The following ANKRD29 variants were observed in gnomAD, a reference collection of about 807,000 sequenced individuals.
ANKRD29 encodes ankyrin repeat domain-containing protein 29.
Under a neutral mutation model 38.0 loss-of-function variants are expected in ANKRD29, and 32 were observed. The observed-to-expected ratio is 0.84, with a 90% CI of 0.64 to 1.13. ANKRD29 has a LOEUF of 1.13. Among genes scored for constraint, ANKRD29 ranks in the 50% most tolerant of loss-of-function variants. The pLI is 0.00. For synonymous variants in ANKRD29, 135 were observed against 152.4 expected (o/e 0.89, Z 0.84); for missense variants, 357 against 377.9 (o/e 0.94, Z 0.46).
chr18:23,623,216 G>A (rs1421191502), intron 6 of ANKRD29, among the ~76,000 whole-genome samples: 2 of 151,940 alleles, frequency 1.3e-5, no homozygotes, highest in Admixed American at 1.3e-4. Flanking sequence ...TTCTTCCATC[G>A]ACCCTGTGAG....
intron 1 of ANKRD29, 43 bp from the exon 2 acceptor site, chr18:23,649,236 T>C (rs2060180130): frequency 7.2e-7 from 1 of 1,385,072 alleles, no homozygotes; most frequent in South Asian, 1.2e-5. Context: ...TTGATGTCAG[T>C]TAACATGACT....
intron 6 of ANKRD29, among the ~76,000 whole-genome samples, chr18:23,626,414 G>C (rs753197014): frequency 3.9e-5 from 6 of 152,156 alleles, no homozygotes; most frequent in Non-Finnish European, 7.3e-5. Flanking sequence ...GTGGAGTTGG[G>C]AAAATATATG....
chr18:23,625,227 C>A (rs1215843680), intron 6 of ANKRD29, among the ~76,000 whole-genome samples: 1 of 152,130 alleles, frequency 6.6e-6, no homozygotes, highest in Non-Finnish European at 1.5e-5. Context: ...GTCCCTTGCA[C>A]CGTGTGCCTG....
chr18:23,610,722 G>C (rs2059630996), intron 9 of ANKRD29, among the ~76,000 whole-genome samples: 1 of 152,166 alleles, frequency 6.6e-6, no homozygotes, highest in Non-Finnish European at 1.5e-5. Flanking sequence ...GTCGTTCAGG[G>C]TGGATTGCAG....
chr18:23,629,854 T>C lies in ANKRD29; in HGVS notation c.527A>G (p.Gln176Arg). ...ASGAKVNQPR[Q>R]DGTAPLWIAS... The stretch of plus-strand genomic sequence containing the variant: ...GCAAATGTCAACAGTGGACATTACC[T>C]GCCTTGGCTGGTTGACTTTTGCTCC... Residue 176 changes from glutamine to arginine, a missense_variant and splice_region_variant, in exon 6 of 10, where the codon CAG becomes CGG. Transcript: ENST00000592179. 6.2e-7 allele frequency: 1 copy of C among 1,613,702 alleles called. No individual in the cohort carries two copies. The highest frequency in any genetic ancestry group is 8.5e-7 in the Non-Finnish European group (1 of 1,179,868).
At chr18:23,654,530 A>T (rs930663597) in intron 1 of ANKRD29, among the ~76,000 whole-genome samples, 11 of 148,842 alleles carry the variant, frequency 7.4e-5, no homozygotes, top group Non-Finnish European at 1.5e-4. Context: ...TGCGGCAAGG[A>T]ATTGCTTGAA....
intron 3 of ANKRD29, 24 bp downstream of exon 3, chr18:23,646,165 C>T (rs1380415500): frequency 6.2e-6 from 10 of 1,610,108 alleles, no homozygotes; most frequent in Admixed American, 1.7e-5. Flanking sequence ...GGTCATTTTT[C>T]TTCAAGTGCA....
chr18:23,614,902 C>T (rs898682895), intron 8 of ANKRD29, among the ~76,000 whole-genome samples: 2 of 152,092 alleles, frequency 1.3e-5, no homozygotes, highest in Non-Finnish European at 2.9e-5. Context: ...AAAGCTAAGC[C>T]GCTGTGTCCA....
chr18:23,653,417 A>G (rs1187396136), intron 1 of ANKRD29, among the ~76,000 whole-genome samples: 1 of 151,896 alleles, frequency 6.6e-6, no homozygotes, highest in African/African-American at 2.4e-5. Context: ...CGCCCGGCTA[A>G]TTTTTGTATT....
At chr18:23,632,132 G>A (rs947666271) in intron 5 of ANKRD29, among the ~76,000 whole-genome samples, 2 of 152,212 alleles carry the variant, frequency 1.3e-5, no homozygotes, top group Non-Finnish European at 2.9e-5. Flanking sequence ...AAATTAATCA[G>A]CCTGTACAGA....
intron 3 of ANKRD29, among the ~76,000 whole-genome samples, chr18:23,645,371 C>T (rs1421591157): frequency 3.3e-5 from 5 of 152,252 alleles, no homozygotes; most frequent in Non-Finnish European, 5.9e-5. Flanking sequence ...GTCAGGAGAT[C>T]GAGACCATCT....
intron 6 of ANKRD29, among the ~76,000 whole-genome samples, chr18:23,628,455 T>C (rs974992184): frequency 1.3e-5 from 2 of 152,176 alleles, no homozygotes; most frequent in African/African-American, 4.8e-5. Context: ...AGTGGAGATG[T>C]GCCTGGGTAT....
In ANKRD29 at chr18:23,600,421, C is replaced by T. The variant is rs2059497307; in HGVS notation, c.*805G>A. On this transcript the variant is annotated 3_prime_UTR_variant, in exon 10 of 10. Coordinates refer to ENST00000592179, the MANE Select transcript of ANKRD29 (RefSeq NM_173505.4). ...TATAGAATAGGAAATAGATTCCCAA[C>T]AATAGAGCCAAAATAAAAGACCAAA... is the stretch of plus-strand genomic sequence containing the variant. 6.6e-6 allele frequency: 1 copy of T among 152,134 alleles called. No individual in the cohort carries two copies. The highest frequency in any genetic ancestry group is 2.4e-5 in the African/African-American group (1 of 41,440). 9.4% of individuals were successfully genotyped at this position (152,134 alleles called of 1,614,324 possible). A position where few individuals can be genotyped will look rare whatever the true frequency, so the allele number is the denominator to read the frequency against.
chr18:23,638,986 GT>G, intron 3 of ANKRD29, 39 bp from the exon 4 acceptor site: 1 of 1,453,114 alleles, frequency 6.9e-7, no homozygotes, highest in Admixed American at 2.1e-5. Context: ...AAGACATTTG[GT>G]TATCTTACAT....
At chr18:23,654,301 AATAAATAAAT>A (rs1256842300) in intron 1 of ANKRD29, among the ~76,000 whole-genome samples, 3 of 149,124 alleles carry the variant, frequency 2.0e-5, no homozygotes, top group Non-Finnish European at 3.0e-5. Flanking sequence ...TAAATAAATA[AATAAATAAAT>A]AAATAAATAA....
intron 1 of ANKRD29, among the ~76,000 whole-genome samples, chr18:23,651,246 A>G (rs2060207274): frequency 1.3e-5 from 2 of 152,188 alleles, no homozygotes; most frequent in African/African-American, 2.4e-5. Flanking sequence ...TTCCTGGCTC[A>G]TTTAGAAGGG....
intron 1 of ANKRD29, 35 bp from the exon 2 acceptor site, chr18:23,649,228 G>T: frequency 1.3e-6 from 2 of 1,522,246 alleles, no homozygotes; most frequent in South Asian, 1.2e-5. Context: ...TCTTAAAATT[G>T]ATGTCAGTTA....
Position 23,641,287 on chromosome 18 carries a change from G to A in ANKRD29, c.232-2340C>T, listed in dbSNP as rs1403715160. On this transcript the variant is annotated intron_variant, in intron 3 of 9. Coordinates refer to ENST00000592179, the MANE Select transcript of ANKRD29 (RefSeq NM_173505.4). The stretch of plus-strand genomic sequence containing the variant: ...GCGGGAGCAGCCATGCCCAGCTGCA[G>A]CTCCGGTTCTGGGCATCCCTGTGCT... Among the ~76,000 whole-genome samples the A allele has an allele frequency of 3.9e-5, 6 of 152,186 alleles. No homozygotes were observed. The South Asian group carries it at 1.2e-3, about 31-fold the overall frequency.
At chr18:23,611,324 A>T (rs1016062882) in intron 9 of ANKRD29, among the ~76,000 whole-genome samples, 1 of 152,296 alleles carries the variant, frequency 6.6e-6, no homozygotes, top group East Asian at 1.9e-4. Context: ...ATGACAGAAC[A>T]ATACTCCCAT....
Sources: allele counts gnomAD v4.1 joint callset (sites outside exome capture counted in the v4.1 genomes callset), GRCh38; gene constraint gnomAD v4.1.1; transcripts MANE v1.5; gene names NCBI Gene and HGNC (gene_info 2026-07-23, HGNC 2026-07-21).